Variants in SLC39A8 observed in about 807,000 individuals in gnomAD.
The protein encoded by SLC39A8 is metal cation symporter ZIP8.
SLC39A8 carries 15 observed loss-of-function variants against 40.4 expected under a neutral mutation model. That is an observed-to-expected ratio of 0.37 (90% confidence interval 0.25 to 0.57). SLC39A8 has a LOEUF of 0.57. SLC39A8 is among the 20% of genes least tolerant of loss of function. The pLI, the probability that SLC39A8 is intolerant of heterozygous loss-of-function variation, is 0.75. For missense variants in SLC39A8, 472 were observed against 558.8 expected, an observed-to-expected ratio of 0.84 and a Z score of 1.57; for synonymous variants, 223 against 221.6, an observed-to-expected ratio of 1.01 and a Z score of -0.06.
At chr4:102,302,416 T>G (rs1166770625) in intron 6 of SLC39A8, among the ~76,000 whole-genome samples, 1 of 152,024 alleles carries the variant, frequency 6.6e-6, no homozygotes, top group Non-Finnish European at 1.5e-5. Flanking sequence ...GCAACTAGAA[T>G]TTAGACACAT....
At chr4:102,337,733 G>A (rs182518180) in intron 2 of SLC39A8, among the ~76,000 whole-genome samples, 3 of 152,270 alleles carry the variant, frequency 2.0e-5, no homozygotes, top group Admixed American at 2.0e-4. Flanking sequence ...GGATTCATTG[G>A]CCGAAAACTT....
At chr4:102,268,180 C>CA in intron 6 of SLC39A8, 101 bp from the exon 7 acceptor site, 5 of 1,209,522 alleles carry the variant, frequency 4.1e-6, no homozygotes, top group Non-Finnish European at 6.0e-6. Flanking sequence ...CAAATTGTTC[C>CA]AACAGAAAGT....
intron 2 of SLC39A8, among the ~76,000 whole-genome samples, chr4:102,320,850 G>A (rs1734935973): frequency 6.7e-6 from 1 of 149,924 alleles, no homozygotes; most frequent in South Asian, 2.1e-4. Context: ...TACCCCTATT[G>A]CAATGTTTCC....
At chr4:102,332,176 T>A (rs1387042853) in intron 2 of SLC39A8, among the ~76,000 whole-genome samples, 2 of 152,048 alleles carry the variant, frequency 1.3e-5, no homozygotes. Flanking sequence ...GGGATCTAAT[T>A]AAACTAAAGA....
chr4:102,297,212 A>T (rs1009236142), intron 6 of SLC39A8, among the ~76,000 whole-genome samples: 4 of 150,730 alleles, frequency 2.7e-5, no homozygotes, highest in African/African-American at 9.8e-5. Flanking sequence ...AAGGCTGGTT[A>T]ACAAATGGAA....
At chr4:102,322,850 A>G (rs971631812) in intron 2 of SLC39A8, among the ~76,000 whole-genome samples, 77 of 152,156 alleles carry the variant, frequency 5.1e-4, no homozygotes, top group African/African-American at 1.8e-3. Flanking sequence ...ATTTAGACTC[A>G]ATGACAATCA....
At chr4:102,319,862 G>A (rs933743670) in intron 2 of SLC39A8, among the ~76,000 whole-genome samples, 4 of 151,980 alleles carry the variant, frequency 2.6e-5, no homozygotes, top group African/African-American at 9.7e-5. Flanking sequence ...GGTGGACTCC[G>A]TTAAGTAGAT....
intron 4 of SLC39A8, among the ~76,000 whole-genome samples, chr4:102,306,636 C>T (rs1734184026): frequency 6.6e-6 from 1 of 151,710 alleles, no homozygotes; most frequent in Non-Finnish European, 1.5e-5. Flanking sequence ...TTTGTCTCTC[C>T]CTGTGTGTGT....
chr4:102,278,198 C>T (rs921485874), intron 6 of SLC39A8, among the ~76,000 whole-genome samples: 1 of 152,128 alleles, frequency 6.6e-6, no homozygotes, highest in Non-Finnish European at 1.5e-5. Flanking sequence ...AGTGAACAGG[C>T]AACCTACAGA....
At chr4:102,341,390 A>C (rs778585832) in intron 2 of SLC39A8, among the ~76,000 whole-genome samples, 1 of 152,242 alleles carries the variant, frequency 6.6e-6, no homozygotes, top group Non-Finnish European at 1.5e-5. Flanking sequence ...GAAAAGGAAC[A>C]TTTGAAGAAT....
At chr4:102,344,386 A>C in intron 2 of SLC39A8, 58 bp downstream of exon 2, 2 of 1,269,492 alleles carry the variant, frequency 1.6e-6, no homozygotes, top group Middle Eastern at 3.9e-4. Flanking sequence ...GCTCATATAC[A>C]AAGTGAAGTC....
chr4:102,317,480 C>G (rs898341034), intron 2 of SLC39A8, among the ~76,000 whole-genome samples: 12 of 152,070 alleles, frequency 7.9e-5, no homozygotes, highest in African/African-American at 2.7e-4. Context: ...ACAGTCTTCC[C>G]TTTAGCTCAG....
At chr4:102,301,566 AT>A (rs1733929282) in intron 6 of SLC39A8, among the ~76,000 whole-genome samples, 1 of 152,066 alleles carries the variant, frequency 6.6e-6, no homozygotes, top group Non-Finnish European at 1.5e-5. Context: ...TTGCTTCTGA[AT>A]TTCCAGTGCC....
chr4:102,259,520 A>G, downstream of SLC39A8: 2 of 1,538,126 alleles, frequency 1.3e-6, no homozygotes, highest in Non-Finnish European at 1.8e-6. Flanking sequence ...ATTATCTACA[A>G]GAATCAGATA....
chr4:102,257,520 T>C (rs1578549235), downstream of SLC39A8, among the ~76,000 whole-genome samples: 1 of 152,112 alleles, frequency 6.6e-6, no homozygotes, highest in East Asian at 1.9e-4. Flanking sequence ...AGGAGGATAG[T>C]CAAGGAAATT....
chr4:102,308,483 C>A (rs1734286607), intron 3 of SLC39A8, among the ~76,000 whole-genome samples: 1 of 152,072 alleles, frequency 6.6e-6, no homozygotes, highest in Non-Finnish European at 1.5e-5. Context: ...CTTTGGGCCT[C>A]AATTTCCCTC....
chr4:102,293,151 T>C (rs1022848952), intron 6 of SLC39A8, among the ~76,000 whole-genome samples: 7 of 151,928 alleles, frequency 4.6e-5, no homozygotes, highest in South Asian at 2.1e-4. Flanking sequence ...ATTCTAAAAG[T>C]AGAAAAATCA....
chr4:102,277,129 T>A (rs1384296920), intron 6 of SLC39A8, among the ~76,000 whole-genome samples: 1 of 152,182 alleles, frequency 6.6e-6, no homozygotes, highest in Non-Finnish European at 1.5e-5. Context: ...GTATTGGAAG[T>A]TCTGGCCAGG....
chr4:102,275,567 G>A (rs1354494488), intron 6 of SLC39A8, among the ~76,000 whole-genome samples: 3 of 151,920 alleles, frequency 2.0e-5, no homozygotes, highest in Non-Finnish European at 4.4e-5. Flanking sequence ...CAATATTAGA[G>A]AAATCAATGA....
Sources: gnomAD v4.1 joint callset for allele counts (sites outside exome capture counted in the v4.1 genomes callset) on GRCh38, gnomAD v4.1.1 for gene constraint, MANE v1.5 for transcripts, NCBI Gene and HGNC (gene_info 2026-07-23, HGNC 2026-07-21) for gene names.